The following PXDNL variants were observed in gnomAD, a reference collection of about 807,000 sequenced individuals.
PXDNL encodes peroxidasin like, also known as probable oxidoreductase PXDNL.
Under a neutral mutation model 150.8 loss-of-function variants are expected in PXDNL, and 145 were observed. That is an observed-to-expected ratio of 0.96 (90% CI 0.84 to 1.10). The LOEUF is 1.10. Ranked by LOEUF, PXDNL falls within the 50% of genes least tolerant of loss-of-function variation. PXDNL has a pLI of 0.00. For missense variants in PXDNL, 2,087 were observed against 1,873.9 expected (o/e 1.11, Z -2.10); for synonymous variants, 757 against 725.7 (o/e 1.04, Z -0.69).
At chr8:51,338,442 T>C (rs1426649365) in intron 21 of PXDNL, among the ~76,000 whole-genome samples, 2 of 152,180 alleles carry the variant, frequency 1.3e-5, no homozygotes, top group Admixed American at 6.5e-5. Context: ...TAGAATCTCT[T>C]TGGATCCTCA....
chr8:51,687,471 C>T (rs1012148373), intron 1 of PXDNL, among the ~76,000 whole-genome samples: 1 of 152,106 alleles, frequency 6.6e-6, no homozygotes, highest in Non-Finnish European at 1.5e-5. Context: ...TAATTATAAC[C>T]ACTTCCAATT....
At chr8:51,761,165 G>A (rs1361961042) in intron 1 of PXDNL, among the ~76,000 whole-genome samples, 1 of 151,518 alleles carries the variant, frequency 6.6e-6, no homozygotes, top group Non-Finnish European at 1.5e-5. Flanking sequence ...GAGCCACCGC[G>A]GCCGGCCTGA....
At chr8:51,791,919 A>G (rs1397468383) in intron 1 of PXDNL, among the ~76,000 whole-genome samples, 3 of 152,186 alleles carry the variant, frequency 2.0e-5, no homozygotes, top group Non-Finnish European at 4.4e-5. Context: ...AAATCTGATG[A>G]TGTCCCACTT....
chr8:51,627,874 C>A (rs889337726), intron 2 of PXDNL, among the ~76,000 whole-genome samples: 3 of 152,112 alleles, frequency 2.0e-5, no homozygotes, highest in Admixed American at 6.6e-5. Flanking sequence ...CCATTCGAAC[C>A]TGTCTGGGGC....
At chr8:51,648,279 T>A (rs1246012092) in intron 2 of PXDNL, among the ~76,000 whole-genome samples, 1 of 152,208 alleles carries the variant, frequency 6.6e-6, no homozygotes, top group Non-Finnish European at 1.5e-5. Flanking sequence ...GGAAAAGGGA[T>A]CTTCGGGGAT....
chr8:51,569,881 G>A (rs113162590), intron 3 of PXDNL, among the ~76,000 whole-genome samples: 33 of 151,976 alleles, frequency 2.2e-4, no homozygotes, highest in African/African-American at 7.7e-4. Flanking sequence ...GCTTGAGACA[G>A]TTTTTCCAAA....
At chr8:51,740,469 TC>T (rs1461229968) in intron 1 of PXDNL, among the ~76,000 whole-genome samples, 1 of 152,232 alleles carries the variant, frequency 6.6e-6, no homozygotes, top group African/African-American at 2.4e-5. Context: ...GAGTTCCTAT[TC>T]CTCTACAGCC....
chr8:51,714,306 A>C (rs1816562102), intron 1 of PXDNL, among the ~76,000 whole-genome samples: 1 of 152,204 alleles, frequency 6.6e-6, no homozygotes, highest in Admixed American at 6.5e-5. Context: ...AATTCAAGAC[A>C]TCATTTCTCT....
At chr8:51,521,235 C>A (rs1223329337) in intron 4 of PXDNL, among the ~76,000 whole-genome samples, 1 of 152,066 alleles carries the variant, frequency 6.6e-6, no homozygotes, top group Non-Finnish European at 1.5e-5. Context: ...GAATGAGACT[C>A]TGTCTCTAAA....
intron 4 of PXDNL, among the ~76,000 whole-genome samples, chr8:51,519,183 C>A (rs1811605435): frequency 6.6e-6 from 1 of 152,086 alleles, no homozygotes; most frequent in Non-Finnish European, 1.5e-5. Context: ...AGATAAAAAT[C>A]TAGATTGGAT....
At chr8:51,450,226 G>A (rs1303346718) in intron 10 of PXDNL, among the ~76,000 whole-genome samples, 2 of 152,200 alleles carry the variant, frequency 1.3e-5, no homozygotes, top group Non-Finnish European at 2.9e-5. Context: ...AGAACAACCA[G>A]GGGTCACTGT....
chr8:51,409,092 G>A lies in PXDNL; in HGVS notation c.2532C>T (p.Pro844=), dbSNP rs923832734. The A allele has an allele frequency of 3.1e-6, 5 of 1,609,326 alleles. No homozygotes were observed. Among genetic ancestry groups the A allele is most frequent in the African/African-American group, 2.7e-5 (2 of 74,894 alleles). Residue 844 remains proline, a synonymous_variant, in exon 17 of 23, where the codon CCC becomes CCT. Transcript: ENST00000356297. ...GGGGGTCGGCGTGCCGGGTGTTCAT[G>A]GGGAAACAAGGAGGGTCGTTGGTGC... ...SVCTNDPPCF[P]MNTRHADPRG...
chr8:51,673,329 G>C (rs1165559821), intron 1 of PXDNL, among the ~76,000 whole-genome samples: 2 of 152,158 alleles, frequency 1.3e-5, no homozygotes, highest in Non-Finnish European at 2.9e-5. Context: ...AATGATAATA[G>C]TGACTCTTGC....
intron 19 of PXDNL, among the ~76,000 whole-genome samples, chr8:51,359,830 T>C (rs145232755): frequency 1.7e-3 from 266 of 152,020 alleles, no homozygotes; most frequent in African/African-American, 6.2e-3. Flanking sequence ...CACCTATCCA[T>C]CCAATTGCAA....
intron 1 of PXDNL, among the ~76,000 whole-genome samples, chr8:51,770,969 C>A (rs1364500068): frequency 6.6e-6 from 1 of 152,192 alleles, no homozygotes; most frequent in Non-Finnish European, 1.5e-5. Flanking sequence ...CCAGCCATCA[C>A]AGACACATGG....
chr8:51,718,363 G>T (rs1816659156), intron 1 of PXDNL, among the ~76,000 whole-genome samples: 1 of 152,206 alleles, frequency 6.6e-6, no homozygotes, highest in Non-Finnish European at 1.5e-5. Context: ...GAGTGGCAAG[G>T]AATGGGGAGC....
rs1036265322 is a variant in PXDNL, at chr8:51,366,119, A to C, written c.3901+5754T>G. 3.9e-5 allele frequency among the ~76,000 whole-genome samples: 6 copies of C among 152,328 alleles called. No homozygotes were observed. The South Asian group carries it at 6.2e-4, about 16-fold the overall frequency. The stretch of plus-strand genomic sequence containing the variant: ...TCTATCTCCCAAAGTTGAGAGGATG[A>C]CCAAAAGAGGGAAATTGCTAAATTA... On this transcript the variant is annotated intron_variant, in intron 19 of 22. Coordinates refer to ENST00000356297, the MANE Select transcript of PXDNL (RefSeq NM_144651.5).
intron 2 of PXDNL, among the ~76,000 whole-genome samples, chr8:51,616,377 C>T (rs986460029): frequency 6.6e-6 from 1 of 152,192 alleles, no homozygotes; most frequent in Non-Finnish European, 1.5e-5. Flanking sequence ...CGATGCCATA[C>T]TCCCTACAAC....
At chr8:51,584,667 T>C (rs930905878) in intron 3 of PXDNL, among the ~76,000 whole-genome samples, 1 of 152,146 alleles carries the variant, frequency 6.6e-6, no homozygotes, top group Non-Finnish European at 1.5e-5. Flanking sequence ...TTCAGAAGGA[T>C]ATCAAATGCC....
Sources: gnomAD v4.1 joint callset for allele counts (sites outside exome capture counted in the v4.1 genomes callset) on GRCh38, gnomAD v4.1.1 for gene constraint, MANE v1.5 for transcripts, NCBI Gene and HGNC (gene_info 2026-07-23, HGNC 2026-07-21) for gene names.